SPATA16: variants seen among roughly 807,000 people sequenced by gnomAD.
The protein encoded by SPATA16 is spermatogenesis associated 16.
In SPATA16, 36 loss-of-function variants were observed where a neutral mutation model predicts 63.3. The observed-to-expected ratio is 0.57, with a 90% CI of 0.44 to 0.75. The LOEUF (loss-of-function observed/expected upper bound fraction) is 0.75. Ranked by LOEUF, SPATA16 falls within the 30% of genes least tolerant of loss-of-function variation. The pLI, the probability that SPATA16 is intolerant of heterozygous loss-of-function variation, is 0.00. For synonymous variants in SPATA16, 203 were observed against 216.7 expected, an observed-to-expected ratio of 0.94 and a Z score of 0.56; for missense variants, 646 against 679.3, an observed-to-expected ratio of 0.95 and a Z score of 0.54.
intron 10 of SPATA16, among the ~76,000 whole-genome samples, chr3:172,904,143 T>A (rs1732185755): frequency 6.6e-6 from 1 of 152,226 alleles, no homozygotes; most frequent in African/African-American, 2.4e-5. Flanking sequence ...ATGTCTCTCT[T>A]ATAGGGTTGT....
At chr3:172,997,222 A>G (rs1324616603) in intron 4 of SPATA16, among the ~76,000 whole-genome samples, 1 of 152,128 alleles carries the variant, frequency 6.6e-6, no homozygotes, top group Non-Finnish European at 1.5e-5. Context: ...TGCCTTCCAG[A>G]GTGGCAGAGT....
chr3:173,130,380 A>G (rs1323977122), intron 1 of SPATA16, among the ~76,000 whole-genome samples: 1 of 150,830 alleles, frequency 6.6e-6, no homozygotes, highest in Non-Finnish European at 1.5e-5. Flanking sequence ...AAAAAAAAAA[A>G]AAAGAAATTC....
intron 4 of SPATA16, among the ~76,000 whole-genome samples, chr3:173,013,159 A>G (rs1196083702): frequency 7.9e-5 from 12 of 152,184 alleles, no homozygotes; most frequent in Non-Finnish European, 1.8e-4. Flanking sequence ...TAACAAATAT[A>G]AAAAAATGCT....
chr3:173,109,319 T>G (rs569419579), intron 2 of SPATA16, among the ~76,000 whole-genome samples: 4 of 152,272 alleles, frequency 2.6e-5, no homozygotes, highest in Admixed American at 2.6e-4. Flanking sequence ...CCCTGCTGTG[T>G]CAATGGCTGC....
intron 4 of SPATA16, among the ~76,000 whole-genome samples, chr3:173,014,816 G>A (rs1452391686): frequency 6.6e-6 from 1 of 152,116 alleles, no homozygotes; most frequent in Non-Finnish European, 1.5e-5. Context: ...TTTTCCTGGC[G>A]TAATTCTTAA....
chr3:173,133,398 C>T (rs1030199356), intron 1 of SPATA16, among the ~76,000 whole-genome samples: 10 of 152,120 alleles, frequency 6.6e-5, no homozygotes, highest in Non-Finnish European at 1.5e-5. Context: ...GGTGGTGGCC[C>T]GCACAGTCAG....
At chr3:173,096,586 G>A (rs1423452333) in intron 2 of SPATA16, among the ~76,000 whole-genome samples, 2 of 152,022 alleles carry the variant, frequency 1.3e-5, no homozygotes, top group Non-Finnish European at 2.9e-5. Context: ...AACCAGTGTA[G>A]AATAAAGGAA....
intron 6 of SPATA16, among the ~76,000 whole-genome samples, chr3:172,932,432 A>G (rs1237063085): frequency 6.6e-6 from 1 of 152,170 alleles, no homozygotes; most frequent in African/African-American, 2.4e-5. Context: ...CTGATTGTTT[A>G]GTGTGAGATA....
intron 1 of SPATA16, among the ~76,000 whole-genome samples, chr3:173,120,229 G>T (rs1382815109): frequency 6.6e-6 from 1 of 152,116 alleles, no homozygotes; most frequent in Non-Finnish European, 1.5e-5. Context: ...GTTTGCCCTT[G>T]TGCCACATCT....
At chr3:173,140,583 A>G (rs1738685615) in intron 1 of SPATA16, among the ~76,000 whole-genome samples, 1 of 152,160 alleles carries the variant, frequency 6.6e-6, no homozygotes, top group South Asian at 2.1e-4. Flanking sequence ...TTCTCTCCCT[A>G]ATATCCTACT....
At chr3:173,107,443 C>A (rs1737645752) in intron 2 of SPATA16, among the ~76,000 whole-genome samples, 1 of 142,974 alleles carries the variant, frequency 7.0e-6, no homozygotes, top group African/African-American at 2.6e-5. Context: ...TGATGAAAAT[C>A]TCTCTCTCTC....
intron 6 of SPATA16, among the ~76,000 whole-genome samples, chr3:172,954,251 C>T (rs4894603): frequency 0.44 from 66,355 of 152,032 alleles, 14,593 homozygotes; most frequent in Admixed American, 0.45. Flanking sequence ...GAAAATCACG[C>T]CTTACATGGC....
intron 5 of SPATA16, among the ~76,000 whole-genome samples, chr3:172,971,254 A>G (rs890438851): frequency 3.3e-5 from 5 of 152,212 alleles, no homozygotes; most frequent in African/African-American, 1.2e-4. Context: ...AGTTGTTTAC[A>G]ATTGTGAACT....
intron 2 of SPATA16, among the ~76,000 whole-genome samples, chr3:173,086,932 A>C (rs1737073536): frequency 6.6e-6 from 1 of 152,098 alleles, no homozygotes; most frequent in African/African-American, 2.4e-5. Context: ...TTTGCTGAGG[A>C]GTGTTTTATT....
At chr3:173,086,255 C>A (rs1002440504) in intron 2 of SPATA16, among the ~76,000 whole-genome samples, 2 of 152,106 alleles carry the variant, frequency 1.3e-5, no homozygotes, top group Non-Finnish European at 2.9e-5. Context: ...GTGGTACAAC[C>A]TTGGGTGGGT....
chr3:173,126,031 G>A (rs760635293), intron 1 of SPATA16, among the ~76,000 whole-genome samples: 12 of 146,122 alleles, frequency 8.2e-5, no homozygotes, highest in South Asian at 2.2e-4. Flanking sequence ...TTCTCTAGGC[G>A]CTGTAGCATC....
chr3:172,944,133 A>G (rs1425633173), intron 6 of SPATA16, among the ~76,000 whole-genome samples: 1 of 152,208 alleles, frequency 6.6e-6, no homozygotes, highest in Non-Finnish European at 1.5e-5. Flanking sequence ...TTGTATCTAG[A>G]ATACATAAAG....
chr3:173,121,867 A>G (rs1738082604), intron 1 of SPATA16, among the ~76,000 whole-genome samples: 3 of 152,162 alleles, frequency 2.0e-5, no homozygotes. Context: ...TTGATAGTTC[A>G]AGTGAATCGT....
chr3:172,930,152 A>T (rs1732834823), intron 6 of SPATA16, among the ~76,000 whole-genome samples: 1 of 152,192 alleles, frequency 6.6e-6, no homozygotes, highest in Non-Finnish European at 1.5e-5. Context: ...CACTGCTACC[A>T]GTGTTGTTTC....
Sources: gnomAD v4.1 joint callset for allele counts (sites outside exome capture counted in the v4.1 genomes callset) on GRCh38, gnomAD v4.1.1 for gene constraint, MANE v1.5 for transcripts, NCBI Gene and HGNC (gene_info 2026-07-23, HGNC 2026-07-21) for gene names.